GPM6A: variants seen among roughly 807,000 people sequenced by gnomAD.
GPM6A encodes the protein neuronal membrane glycoprotein M6-a.
GPM6A carries 7 observed loss-of-function variants against 32.1 expected under a neutral mutation model. The observed-to-expected ratio is 0.22, with a 90% CI of 0.12 to 0.41. The LOEUF is 0.41. Ranked by LOEUF, GPM6A falls within the 10% of genes least tolerant of loss-of-function variation. The pLI is 1.00. For missense variants in GPM6A, 235 were observed against 347.2 expected (o/e 0.68, Z 2.57); for synonymous variants, 130 against 123.4 (o/e 1.05, Z -0.35).
chr4:175,720,819 AG>A (rs1282036625), intron 1 of GPM6A, among the ~76,000 whole-genome samples: 1 of 152,138 alleles, frequency 6.6e-6, no homozygotes, highest in Non-Finnish European at 1.5e-5. Context: ...GAGAACCAAA[AG>A]ATGGATCTTG....
intron 1 of GPM6A, among the ~76,000 whole-genome samples, chr4:175,741,555 T>C (rs1731888483): frequency 6.6e-6 from 1 of 152,122 alleles, no homozygotes; most frequent in South Asian, 2.1e-4. Context: ...CAGGATCTTC[T>C]GGAATATCAA....
In GPM6A at chr4:175,992,060, G is replaced by GCACA. The variant is rs1554007513; in HGVS notation, c.-23+10245_-23+10248dup. ...GAACCCCCTACACACAAACACACAT[G>GCACA]CACACACACACACACACACACACAC... On this transcript the variant is annotated intron_variant, in intron 1 of 7. Transcript: ENST00000280187. 1.0e-3 allele frequency among the ~76,000 whole-genome samples: 143 copies of GCACA among 137,140 alleles called. 1 individual carries two copies. Among genetic ancestry groups the GCACA allele is most frequent in the East Asian group, 4.7e-3 (21 of 4,494 alleles). The allele number at this position is 137,140 out of a possible 152,430, so 90.0% of individuals were successfully genotyped here. A position where few individuals can be genotyped will look rare whatever the true frequency, so the allele number is the denominator to read the frequency against.
At chr4:175,636,285 T>TATATATATATATATATATATAC (rs1560840528) in intron 6 of GPM6A, among the ~76,000 whole-genome samples, 1 of 138,416 alleles carries the variant, frequency 7.2e-6, no homozygotes, top group African/African-American at 2.6e-5. Context: ...TATATATATA[T>TATATATATATATATATATATAC]ATATATATAT....
chr4:175,971,779 T>C (rs563677966), intron 1 of GPM6A: 1 of 152,336 alleles, frequency 6.6e-6, no homozygotes, highest in South Asian at 2.1e-4. Context: ...GAAAGTACGA[T>C]AGAGATGTTG....
Position 175,738,829 on chromosome 4 carries a change from G to T in GPM6A, c.38-37062C>A, listed in dbSNP as rs1408134037. Among the ~76,000 whole-genome samples, 3 of 152,008 alleles carry T rather than the reference G, an allele frequency of 2.0e-5. No individual in the cohort carries two copies. The East Asian group carries it at 5.8e-4, about 29-fold the overall frequency. Reference sequence around the variant, plus strand: ...AATTCCATGAGTTTTCATTTTAGCTGCATGCTGAGCTCCACCCTCCCTACA... The same window carrying T: ...AATTCCATGAGTTTTCATTTTAGCTTCATGCTGAGCTCCACCCTCCCTACA... On this transcript the variant is annotated intron_variant, in intron 1 of 6. Transcript: ENST00000393658.
intron 1 of GPM6A, among the ~76,000 whole-genome samples, chr4:175,938,599 T>C (rs926674338): frequency 5.7e-4 from 86 of 152,188 alleles, no homozygotes; most frequent in African/African-American, 2.0e-3. Context: ...GGTGGGGTTG[T>C]TTTTTTCTTG....
intron 1 of GPM6A, among the ~76,000 whole-genome samples, chr4:175,938,527 T>C (rs1739310710): frequency 6.6e-6 from 1 of 152,170 alleles, no homozygotes; most frequent in South Asian, 2.1e-4. Flanking sequence ...TTTTTTCTGT[T>C]TGTGGGCTGC....
At chr4:175,636,263 T>TATATATATAC (rs1740586991) in intron 6 of GPM6A, among the ~76,000 whole-genome samples, 2 of 24,888 alleles carry the variant, frequency 8.0e-5, no homozygotes, top group Non-Finnish European at 1.4e-4. Flanking sequence ...AATCACTGTA[T>TATATATATAC]ATATATATAT....
At chr4:175,689,033 T>G (rs1168410858) in intron 2 of GPM6A, among the ~76,000 whole-genome samples, 1 of 152,096 alleles carries the variant, frequency 6.6e-6, no homozygotes, top group Non-Finnish European at 1.5e-5. Flanking sequence ...TTCTACTTTT[T>G]TTGTAGAGAT....
In GPM6A at chr4:175,974,408, G is replaced by A. The variant is rs544399562; in HGVS notation, c.-23+27901C>T. 3.3e-5 allele frequency among the ~76,000 whole-genome samples: 5 copies of A among 152,220 alleles called. No homozygotes were observed. The South Asian group carries it at 1.0e-3, about 32-fold the overall frequency. ...TCTAACTCTGTCACCCAGGCTAGAGGACAGTTGCCCCATGTCAGTTCACTG... is the reference window on the plus strand; with the variant it reads ...TCTAACTCTGTCACCCAGGCTAGAGAACAGTTGCCCCATGTCAGTTCACTG... On this transcript the variant is annotated intron_variant, in intron 1 of 7. Coordinates refer to the GPM6A transcript ENST00000280187.
chr4:175,944,288 G>A (rs1266146298), intron 1 of GPM6A, among the ~76,000 whole-genome samples: 3 of 152,126 alleles, frequency 2.0e-5, no homozygotes, highest in Non-Finnish European at 4.4e-5. Flanking sequence ...ATTAATTTTT[G>A]TGCTGGCATA....
At chr4:175,705,207 C>G (rs139188332) in intron 1 of GPM6A, among the ~76,000 whole-genome samples, 1 of 152,206 alleles carries the variant, frequency 6.6e-6, no homozygotes, top group Non-Finnish European at 1.5e-5. Flanking sequence ...AAATTGACAA[C>G]TCTGAGATAA....
intron 2 of GPM6A, among the ~76,000 whole-genome samples, chr4:175,695,182 C>A (rs1044824820): frequency 2.6e-5 from 4 of 152,216 alleles, no homozygotes; most frequent in African/African-American, 9.6e-5. Flanking sequence ...TCACAGAGAA[C>A]CTCTACTAGA....
intron 1 of GPM6A, among the ~76,000 whole-genome samples, chr4:175,842,463 T>G (rs1483046202): frequency 6.6e-6 from 1 of 152,114 alleles, no homozygotes; most frequent in Non-Finnish European, 1.5e-5. Flanking sequence ...CTGGCCATGT[T>G]GGTTCACACT....
chr4:175,635,346 A>T (rs1181680010), intron 6 of GPM6A, among the ~76,000 whole-genome samples: 2 of 152,058 alleles, frequency 1.3e-5, no homozygotes, highest in East Asian at 3.9e-4. Context: ...TTCCTGCCCA[A>T]TGTGTCCTCA....
At chr4:175,766,496 T>G (rs1732972559) in intron 1 of GPM6A, among the ~76,000 whole-genome samples, 1 of 152,146 alleles carries the variant, frequency 6.6e-6, no homozygotes. Flanking sequence ...GATCACTAGC[T>G]TCATTTTGCT....
At chr4:175,817,876 T>G (rs993537457) in intron 1 of GPM6A, among the ~76,000 whole-genome samples, 1 of 152,208 alleles carries the variant, frequency 6.6e-6, no homozygotes, top group African/African-American at 2.4e-5. Context: ...GCTCCTTAGC[T>G]TTTTTAGAGT....
At chr4:175,647,754 C>G (rs1353216423) in intron 4 of GPM6A, among the ~76,000 whole-genome samples, 1 of 152,128 alleles carries the variant, frequency 6.6e-6, no homozygotes, top group East Asian at 1.9e-4. Context: ...TTAGTAAATT[C>G]TGAATTGATC....
chr4:175,924,969 G>A (rs1306757967), intron 1 of GPM6A, among the ~76,000 whole-genome samples: 2 of 151,518 alleles, frequency 1.3e-5, no homozygotes, highest in Non-Finnish European at 2.9e-5. Flanking sequence ...ATTTTGTAAA[G>A]AACATTAGTT....
Sources: gnomAD v4.1 joint callset for allele counts (sites outside exome capture counted in the v4.1 genomes callset) on GRCh38, gnomAD v4.1.1 for gene constraint, MANE v1.5 for transcripts, NCBI Gene and HGNC (gene_info 2026-07-23, HGNC 2026-07-21) for gene names.